The following MTUS2 variants were observed in gnomAD, a reference collection of about 807,000 sequenced individuals.
The protein encoded by MTUS2 is microtubule associated scaffold protein 2.
Under a neutral mutation model 114.1 loss-of-function variants are expected in MTUS2, and 40 were observed. The ratio of observed to expected loss-of-function variants is 0.35; its 90% CI spans 0.27 to 0.46. MTUS2 has a LOEUF of 0.46. Among genes scored for constraint, MTUS2 ranks in the 20% least tolerant of loss-of-function variants. The pLI, the probability that MTUS2 is intolerant of heterozygous loss-of-function variation, is 1.00. For missense variants in MTUS2, 1,679 were observed against 1,705.4 expected (o/e 0.98, Z 0.27); for synonymous variants, 688 against 672.0 (o/e 1.02, Z -0.37).
At position 29,033,878 on chromosome 13, in the gene MTUS2, A is replaced by G. The variant is rs747072139; in HGVS notation, c.2206-7A>G. 2.5e-6 allele frequency: 4 copies of G among 1,613,632 alleles called. No individual in the cohort carries two copies. The highest frequency in any genetic ancestry group is 2.2e-5 in the East Asian group (1 of 44,884). On this transcript the variant is annotated splice_polypyrimidine_tract_variant and splice_region_variant and intron_variant, in intron 3 of 15. Transcript: ENST00000612955. ...TCTCTGATTGAGTTTTTGTTCATTT[A>G]TCATAGGTTACAGACCACCCTGGAA...
chr13:29,133,071 G>T (rs1338566965), intron 5 of MTUS2, among the ~76,000 whole-genome samples: 1 of 151,818 alleles, frequency 6.6e-6, no homozygotes, highest in East Asian at 1.9e-4. Context: ...ATGGTTGCGA[G>T]GTGCTATCTC....
chr13:29,001,708 A>G (rs1261762807), intron 2 of MTUS2, among the ~76,000 whole-genome samples: 4 of 152,176 alleles, frequency 2.6e-5, no homozygotes, highest in Non-Finnish European at 4.4e-5. Context: ...ATGTTCCCTC[A>G]TGTGGCAAAA....
intron 2 of MTUS2, among the ~76,000 whole-genome samples, chr13:28,980,194 TAC>T (rs1283292059): frequency 6.6e-6 from 1 of 152,234 alleles, no homozygotes; most frequent in Non-Finnish European, 1.5e-5. Flanking sequence ...ATAAATTGAT[TAC>T]AATAGAGTCC....
intron 8 of MTUS2, among the ~76,000 whole-genome samples, chr13:29,374,349 T>A (rs1342897161): frequency 6.6e-6 from 1 of 151,740 alleles, no homozygotes; most frequent in Admixed American, 6.6e-5. Flanking sequence ...GGAAGCTCAG[T>A]GAACCACAAA....
chr13:28,930,016 G>A (rs74891912), intron 2 of MTUS2, among the ~76,000 whole-genome samples: 216 of 152,262 alleles, frequency 1.4e-3, no homozygotes, highest in African/African-American at 5.0e-3. Context: ...GTGAGGAGGA[G>A]AGGGCAGAAT....
intron 2 of MTUS2, among the ~76,000 whole-genome samples, chr13:28,848,600 G>C (rs1359776875): frequency 6.6e-6 from 1 of 151,928 alleles, no homozygotes; most frequent in East Asian, 1.9e-4. Context: ...CAGTAACAAG[G>C]GGTGTGATTA....
chr13:29,503,244 C>T lies in MTUS2; in HGVS notation c.*38C>T. ...GCCTGCGGGAGCTCCGGCTTCTCGT[C>T]CTCCGGTCTCCACCCTGAGGGAGCA... On this transcript the variant is annotated 3_prime_UTR_variant, in exon 16 of 16. Transcript: ENST00000612955. The T allele has an allele frequency of 6.2e-7, 1 of 1,605,580 alleles. No homozygotes were observed. The highest frequency in any genetic ancestry group is 8.5e-7 in the Non-Finnish European group (1 of 1,176,488).
At chr13:29,338,949 A>G (rs1219570201) in intron 7 of MTUS2, among the ~76,000 whole-genome samples, 1 of 152,072 alleles carries the variant, frequency 6.6e-6, no homozygotes, top group East Asian at 1.9e-4. Context: ...GGCTTGCAGA[A>G]TGCTCAGGTG....
intron 4 of MTUS2, among the ~76,000 whole-genome samples, chr13:29,077,731 A>G (rs1889258299): frequency 6.6e-6 from 1 of 152,218 alleles, no homozygotes; most frequent in Non-Finnish European, 1.5e-5. Context: ...GCATCTGTGA[A>G]TGCGTATTGA....
chr13:29,114,509 C>T (rs900263662), intron 5 of MTUS2, among the ~76,000 whole-genome samples: 1 of 152,074 alleles, frequency 6.6e-6, no homozygotes, highest in Non-Finnish European at 1.5e-5. Context: ...AATAGTTTCA[C>T]TCTATGTAGG....
intron 2 of MTUS2, among the ~76,000 whole-genome samples, chr13:29,023,585 T>TA (rs1252922572): frequency 6.6e-6 from 1 of 152,210 alleles, no homozygotes; most frequent in African/African-American, 2.4e-5. Context: ...ATCTCTGGCA[T>TA]AATTATAGCA....
At chr13:29,135,463 A>T (rs1891939580) in intron 5 of MTUS2, among the ~76,000 whole-genome samples, 1 of 152,116 alleles carries the variant, frequency 6.6e-6, no homozygotes, top group Non-Finnish European at 1.5e-5. Flanking sequence ...TAGTTGGATC[A>T]TGTTTTTGTT....
intron 11 of MTUS2, among the ~76,000 whole-genome samples, chr13:29,490,347 C>T (rs1235839902): frequency 2.0e-5 from 3 of 152,178 alleles, no homozygotes; most frequent in Non-Finnish European, 2.9e-5. Flanking sequence ...TGGTAATTGT[C>T]GGCCTCCAGT....
intron 5 of MTUS2, among the ~76,000 whole-genome samples, chr13:29,205,716 A>C (rs1486156394): frequency 6.6e-6 from 1 of 152,230 alleles, no homozygotes; most frequent in Non-Finnish European, 1.5e-5. Context: ...AACTTCACCT[A>C]GGTTGCTGTG....
intron 5 of MTUS2, among the ~76,000 whole-genome samples, chr13:29,162,608 CCTT>C (rs1425355460): frequency 1.3e-5 from 2 of 152,258 alleles, no homozygotes; most frequent in African/African-American, 2.4e-5. Context: ...AAAACAGAGA[CCTT>C]CTTTAGCCAT....
At chr13:29,300,250 CT>C (rs1432492735) in intron 6 of MTUS2, among the ~76,000 whole-genome samples, 1 of 152,170 alleles carries the variant, frequency 6.6e-6, no homozygotes, top group African/African-American at 2.4e-5. Context: ...ATTAAGCCCC[CT>C]GTAGGCTGGT....
At chr13:29,158,358 C>CCTCCCCCCTTT in intron 5 of MTUS2, among the ~76,000 whole-genome samples, 1 of 32,048 alleles carries the variant, frequency 3.1e-5, no homozygotes, top group African/African-American at 2.1e-4. Context: ...GTCCACCCCG[C>CCTCCCCCCTTT]TTTTTTTTTT....
chr13:29,391,458 G>A (rs573095482), intron 8 of MTUS2, among the ~76,000 whole-genome samples: 1 of 152,264 alleles, frequency 6.6e-6, no homozygotes, highest in South Asian at 2.1e-4. Flanking sequence ...AGTGCCTGAC[G>A]GGAATTCCAC....
rs543871428 is a variant in MTUS2 at position 29,492,734 on chromosome 13, A to G, written c.3579+15A>G. ...TGTCATTGCAGGTTAGTATTTCTTT[A>G]ATTTTCTTACCTGGTATCGAGATAA... On this transcript the variant is annotated intron_variant, in intron 12 of 15. Transcript: ENST00000612955. 8 of 1,597,252 alleles carry G rather than the reference A, an allele frequency of 5.0e-6. No homozygotes were observed. The highest frequency in any genetic ancestry group is 6.9e-6 in the Non-Finnish European group (8 of 1,165,010).
Sources: gnomAD v4.1 joint callset for allele counts (sites outside exome capture counted in the v4.1 genomes callset) on GRCh38, gnomAD v4.1.1 for gene constraint, MANE v1.5 for transcripts, NCBI Gene and HGNC (gene_info 2026-07-23, HGNC 2026-07-21) for gene names.